The following TMEM239 variants were observed in gnomAD, a reference collection of about 807,000 sequenced individuals.
TMEM239 encodes transmembrane protein 239.
Under a neutral mutation model 14.6 loss-of-function variants are expected in TMEM239, and 10 were observed. The ratio of observed to expected loss-of-function variants is 0.68; its 90% CI spans 0.42 to 1.16. TMEM239 has a LOEUF of 1.16. Among genes scored for constraint, TMEM239 ranks in the 50% most tolerant of loss-of-function variants. The pLI, the probability that TMEM239 is intolerant of heterozygous loss-of-function variation, is 0.00. For synonymous variants in TMEM239, 94 were observed against 89.9 expected, an observed-to-expected ratio of 1.05 and a Z score of -0.26; for missense variants, 183 against 194.4, an observed-to-expected ratio of 0.94 and a Z score of 0.35.
In TMEM239 at chr20:2,817,293, A is replaced by AT. The variant is rs2088688724; in HGVS notation, c.*280_*281insT. 6.9e-6 allele frequency: 4 copies of AT among 581,788 alleles called. No individual in the cohort carries two copies. In the African/African-American group the frequency reaches 7.4e-5, roughly 11 times the overall value. The allele number at this position is 581,788 out of a possible 1,614,324, so 36.0% of individuals were successfully genotyped here. On this transcript the variant is annotated 3_prime_UTR_variant, in exon 2 of 2. Transcript: ENST00000380585. ...GCCAGGGGCAGAGCTTGACCAAGCC[A>AT]CTGATAGCGCCCATATGGATGTGAT... is the stretch of plus-strand genomic sequence containing the variant.
In TMEM239 at chr20:2,816,716, G is replaced by C. The variant is rs1185754429; in HGVS notation, c.162G>C (p.Trp54Cys). The C allele has an allele frequency of 1.3e-6, 2 of 1,547,974 alleles. No homozygotes were observed. The highest frequency in any genetic ancestry group is 1.7e-6 in the Non-Finnish European group (2 of 1,145,910). ...TCCAGTGGTGGAGCACCTCGAACTG[G>C]CGGCAACCGCTGCAGCGCCTGCTGT... Reference protein sequence around the residue: ...SWIQWWSTSNWRQPLQRLLWG... With the variant: ...SWIQWWSTSNCRQPLQRLLWG... The change falls in exon 2 of 2, where the codon TGG becomes TGC. Residue 54 changes from tryptophan to cysteine, a missense_variant. Transcript: ENST00000380585.
Position 2,816,985 on chromosome 20 carries a change from C to T in TMEM239, c.431C>T (p.Pro144Leu). Reference protein sequence around the residue: ...LVGLLTSMTHPGDTQDLDQ With the variant: ...LVGLLTSMTHLGDTQDLDQ ...GGCCTCCTCACCTCCATGACTCACC[C>T]AGGCGACACTCAGGATTTGGATCAA... Residue 144 changes from proline to leucine, a missense_variant, in exon 2 of 2, where the codon CCA becomes CTA. Coordinates refer to ENST00000380585, the MANE Select transcript of TMEM239 (RefSeq NM_001167670.3). 1 of 1,538,000 alleles carries T rather than the reference C, an allele frequency of 6.5e-7. No individual in the cohort carries two copies. Among genetic ancestry groups the T allele is most frequent in the East Asian group, 2.4e-5 (1 of 40,922 alleles).
chr20:2,816,487 C>A, intron 1 of TMEM239, 57 bp from the exon 2 acceptor site: 3 of 1,476,884 alleles, frequency 2.0e-6, no homozygotes, highest in South Asian at 1.2e-5. Flanking sequence ...TGCACCCCCT[C>A]TCTGCCCCCC....
chr20:2,817,091 A>G lies in TMEM239; in HGVS notation c.*78A>G. On this transcript the variant is annotated 3_prime_UTR_variant, in exon 2 of 2. Coordinates refer to ENST00000380585, the MANE Select transcript of TMEM239 (RefSeq NM_001167670.3). ...GAGACCCCACGGGGAGAGGGAGGGC[A>G]ATGGGATCAGGGCTCCCTGCCTTGG... The G allele has an allele frequency of 6.6e-7, 1 of 1,508,140 alleles. No homozygotes were observed. Among genetic ancestry groups the G allele is most frequent in the Non-Finnish European group, 8.9e-7 (1 of 1,128,708 alleles). 93.4% of individuals were successfully genotyped at this position (1,508,140 alleles called of 1,614,324 possible).
Position 2,817,031 on chromosome 20 carries a change from A to T in TMEM239, c.*18A>T. ...ATCAATAGAAGGGCAACCCCATCCC[A>T]CTGCCTGTGTCTGTTGAGCCCTGGC... On this transcript the variant is annotated 3_prime_UTR_variant, in exon 2 of 2. Transcript: ENST00000380585. 1 of 1,537,470 alleles carries T rather than the reference A, an allele frequency of 6.5e-7. No homozygotes were observed. Among genetic ancestry groups the T allele is most frequent in the Non-Finnish European group, 8.7e-7 (1 of 1,146,852 alleles).
At chr20:2,815,881 T>A, upstream of TMEM239, 1 of 923,456 alleles carries the variant, frequency 1.1e-6, no homozygotes, top group Non-Finnish European at 1.7e-6. Context: ...GATACCCCTT[T>A]CTTCCCAGCC....
Position 2,816,725 on chromosome 20 carries a change from G to A in TMEM239, c.171G>A (p.Pro57=), listed in dbSNP as rs940856199. 2.7e-5 allele frequency: 42 copies of A among 1,548,822 alleles called. No individual in the cohort carries two copies. The highest frequency in any genetic ancestry group is 1.7e-4 in the Middle Eastern group (1 of 6,014). ...GGAGCACCTCGAACTGGCGGCAACC[G>A]CTGCAGCGCCTGCTGTGGGGTCTGG... ...QWWSTSNWRQ[P]LQRLLWGLEG... Residue 57 remains proline (P), a synonymous_variant, in exon 2 of 2, where the codon CCG becomes CCA. Coordinates refer to ENST00000380585, the MANE Select transcript of TMEM239 (RefSeq NM_001167670.3).
In TMEM239 at chr20:2,817,620, C is replaced by T. The variant is rs1313422654; in HGVS notation, c.*607C>T. The T allele has an allele frequency of 6.4e-6, 1 of 155,530 alleles. No homozygotes were observed. Among genetic ancestry groups the T allele is most frequent in the African/African-American group, 2.4e-5 (1 of 41,488 alleles). 9.6% of individuals were successfully genotyped at this position (155,530 alleles called of 1,614,324 possible). A position where few individuals can be genotyped will look rare whatever the true frequency, so the allele number is the denominator to read the frequency against. On this transcript the variant is annotated 3_prime_UTR_variant, in exon 2 of 2. Coordinates refer to ENST00000380585, the MANE Select transcript of TMEM239 (RefSeq NM_001167670.3). ...TCCTACTTCCTGCCTCAGTCTGCAT[C>T]CCCAAGTCTGAGAAATGGGCCAACT...
At chr20:2,816,470 T>C in intron 1 of TMEM239, 55 bp downstream of exon 1, 1 of 1,524,350 alleles carries the variant, frequency 6.6e-7, no homozygotes. Flanking sequence ...GGTGCCCTCC[T>C]GACCCCTGCA....
chr20:2,816,732 C>T lies in TMEM239; in HGVS notation c.178C>T (p.Arg60Cys), dbSNP rs1045905888. 48 of 1,549,652 alleles carry T rather than the reference C, an allele frequency of 3.1e-5. 1 individual carries two copies. The highest frequency in any genetic ancestry group is 1.5e-4 in the South Asian group (13 of 84,036). Residue 60 changes from arginine to cysteine, a missense_variant, in exon 2 of 2, where the codon CGC (arginine) becomes TGC (cysteine). Coordinates refer to ENST00000380585, the MANE Select transcript of TMEM239 (RefSeq NM_001167670.3). ...STSNWRQPLQ[R>C]LLWGLEGILY... ...CTCGAACTGGCGGCAACCGCTGCAG[C>T]GCCTGCTGTGGGGTCTGGAGGGGAT...
downstream of TMEM239, chr20:2,819,135 A>T (rs1016855247): frequency 6.6e-6 from 1 of 152,254 alleles, no homozygotes; most frequent in Non-Finnish European, 1.5e-5. Context: ...GAGGGCAGAG[A>T]CCAGGCTGCC....
In TMEM239 at chr20:2,817,100, A is replaced by C; in HGVS notation, c.*87A>C. The stretch of plus-strand genomic sequence containing the variant: ...CGGGGAGAGGGAGGGCAATGGGATC[A>C]GGGCTCCCTGCCTTGGCAGGGCCCA... On this transcript the variant is annotated 3_prime_UTR_variant, in exon 2 of 2. Coordinates refer to ENST00000380585, the MANE Select transcript of TMEM239 (RefSeq NM_001167670.3). 2.0e-6 allele frequency: 3 copies of C among 1,482,436 alleles called. No homozygotes were observed. The highest frequency in any genetic ancestry group is 2.7e-6 in the Non-Finnish European group (3 of 1,112,884). 91.8% of individuals were successfully genotyped at this position (1,482,436 alleles called of 1,614,324 possible).
chr20:2,817,035 C>T lies in TMEM239; in HGVS notation c.*22C>T, dbSNP rs1228540019. The T allele has an allele frequency of 2.6e-6, 4 of 1,537,422 alleles. No individual in the cohort carries two copies. The highest frequency in any genetic ancestry group is 2.0e-5 in the Admixed American group (1 of 50,982). ...ATAGAAGGGCAACCCCATCCCACTGCCTGTGTCTGTTGAGCCCTGGCCTAG... is the reference window on the plus strand; with the variant it reads ...ATAGAAGGGCAACCCCATCCCACTGTCTGTGTCTGTTGAGCCCTGGCCTAG... On this transcript the variant is annotated 3_prime_UTR_variant, in exon 2 of 2. Transcript: ENST00000380585.
upstream of TMEM239, chr20:2,815,805 A>C (rs1331882976): frequency 1.2e-5 from 18 of 1,564,762 alleles, no homozygotes; most frequent in Non-Finnish European, 1.5e-5. Context: ...AGTGTCCTTC[A>C]AATATACAAT....
At chr20:2,815,960 T>A, upstream of TMEM239, 1 of 634,632 alleles carries the variant, frequency 1.6e-6, no homozygotes, top group Non-Finnish European at 2.7e-6. Flanking sequence ...CAAGAGAAGG[T>A]AGGATACTAG....
downstream of TMEM239, chr20:2,819,532 T>C (rs1392455232): frequency 2.0e-5 from 3 of 151,350 alleles, no homozygotes; most frequent in Non-Finnish European, 2.9e-5. Context: ...TGGTTGGAAA[T>C]ACAGTCTCAG....
At position 2,816,652 on chromosome 20, in the gene TMEM239, G is replaced by T. The variant is rs2088676639; in HGVS notation, c.98G>T (p.Trp33Leu). 6.5e-7 allele frequency: 1 copy of T among 1,541,928 alleles called. No homozygotes were observed. Among genetic ancestry groups the T allele is most frequent in the Non-Finnish European group, 8.7e-7 (1 of 1,146,414 alleles). The change falls in exon 2 of 2, where the codon TGG becomes TTG. Residue 33 changes from tryptophan to leucine, a missense_variant. Transcript: ENST00000380585. ...PWSAWVTRHG[W>L]VRWWVSHMPP... ...TCAGCCTGGGTCACGAGGCATGGCT[G>T]GGTGCGCTGGTGGGTGAGCCACATG...
chr20:2,816,626 G>C lies in TMEM239; in HGVS notation c.72G>C (p.Trp24Cys). 1 of 1,539,732 alleles carries C rather than the reference G, an allele frequency of 6.5e-7. No individual in the cohort carries two copies. Among genetic ancestry groups the C allele is most frequent in the Non-Finnish European group, 8.7e-7 (1 of 1,146,800 alleles). The change falls in exon 2 of 2, where the codon TGG becomes TGC. Residue 24 changes from tryptophan to cysteine, a missense_variant. Physicochemically the swap from Trp to Cys is radical, Grantham distance 215. Transcript: ENST00000380585. ...AGEGPQQAVP[W>C]SAWVTRHGWV... ...AGGGGCCACAGCAGGCAGTGCCCTGGTCAGCCTGGGTCACGAGGCATGGCT... is the reference window on the plus strand; with the variant it reads ...AGGGGCCACAGCAGGCAGTGCCCTGCTCAGCCTGGGTCACGAGGCATGGCT...
upstream of TMEM239, chr20:2,815,818 C>T (rs774502978): frequency 5.9e-6 from 9 of 1,516,304 alleles, no homozygotes; most frequent in African/African-American, 9.6e-5. Flanking sequence ...TATACAATGA[C>T]CACCCTTCTT....
Sources: allele counts gnomAD v4.1 joint callset, GRCh38; gene constraint gnomAD v4.1.1; transcripts MANE v1.5; gene names NCBI Gene and HGNC (gene_info 2026-07-23, HGNC 2026-07-21).